Variants in SLC30A7 observed in about 807,000 individuals in gnomAD.
SLC30A7 encodes solute carrier family 30 member 7.
Under a neutral mutation model 46.0 loss-of-function variants are expected in SLC30A7, and 35 were observed. That is an observed-to-expected ratio of 0.76 (90% CI 0.58 to 1.01). SLC30A7 has a LOEUF of 1.01. SLC30A7 is among the 50% of genes least tolerant of loss of function. The probability of loss-of-function intolerance (pLI) is 0.00; values close to 1 mark genes in which losing one functional copy is unlikely to be tolerated. For missense variants in SLC30A7, 464 were observed against 451.1 expected, an observed-to-expected ratio of 1.03 and a Z score of -0.26; for synonymous variants, 147 against 157.8, an observed-to-expected ratio of 0.93 and a Z score of 0.51.
intron 4 of SLC30A7, 147 bp from the exon 5 acceptor site, chr1:100,911,965 T>G: frequency 3.0e-6 from 2 of 661,500 alleles, no homozygotes; most frequent in Non-Finnish European, 5.2e-6. Context: ...AGCTCTGGTT[T>G]TATTTCTATC....
chr1:100,917,564 A>T (rs549533652), intron 6 of SLC30A7, among the ~76,000 whole-genome samples: 1 of 152,204 alleles, frequency 6.6e-6, no homozygotes, highest in African/African-American at 2.4e-5. Flanking sequence ...ATGTTTAGAG[A>T]TAGAAATTAT....
At chr1:100,983,392 AAAACAAAACAAAAC>A (rs1657082240), downstream of SLC30A7, among the ~76,000 whole-genome samples, 2 of 104,078 alleles carry the variant, frequency 1.9e-5, no homozygotes, top group African/African-American at 3.6e-5. Flanking sequence ...AAAAAAAAAC[AAAACAAAACAAAAC>A]AAAAAAAACT....
intron 8 of SLC30A7, among the ~76,000 whole-genome samples, chr1:100,954,405 A>T (rs991996003): frequency 1.9e-4 from 29 of 152,088 alleles, no homozygotes; most frequent in Non-Finnish European, 1.5e-5. Context: ...GGATTAAATT[A>T]AAAAAAATTT....
rs1040785641 is a variant in SLC30A7, at chr1:100,896,106, C to A, written c.-157C>A. On this transcript the variant is annotated 5_prime_UTR_variant, in exon 1 of 11. Transcript: ENST00000357650. ...GCCCGGGCCGGAAGTAAGCGAATTCCCGGGTGTGTGTCTGTGTCTGTCTGT... is the reference window on the plus strand; with the variant it reads ...GCCCGGGCCGGAAGTAAGCGAATTCACGGGTGTGTGTCTGTGTCTGTCTGT... The A allele has an allele frequency of 4.5e-6, 3 of 661,740 alleles. No homozygotes were observed. The African/African-American group carries it at 5.4e-5, about 12-fold the overall frequency. The allele number at this position is 661,740 out of a possible 1,614,324, so 41.0% of individuals were successfully genotyped here.
At chr1:100,934,959 G>A (rs1557992679) in intron 8 of SLC30A7, among the ~76,000 whole-genome samples, 1 of 151,928 alleles carries the variant, frequency 6.6e-6, no homozygotes, top group Non-Finnish European at 1.5e-5. Context: ...TCACGCCACT[G>A]CCACTGCACT....
intron 8 of SLC30A7, among the ~76,000 whole-genome samples, chr1:100,935,247 G>GT (rs1473433644): frequency 6.6e-6 from 1 of 152,142 alleles, no homozygotes; most frequent in Admixed American, 6.5e-5. Context: ...TCATTTTTCA[G>GT]TTACACAAAT....
At chr1:100,937,632 A>G (rs1228538400) in intron 8 of SLC30A7, among the ~76,000 whole-genome samples, 1 of 152,164 alleles carries the variant, frequency 6.6e-6, no homozygotes, top group African/African-American at 2.4e-5. Context: ...GAAAATGTCT[A>G]TTCAAATACT....
chr1:100,974,967 C>A lies in SLC30A7; in HGVS notation c.*110C>A, dbSNP rs1213328808. On this transcript the variant is annotated 3_prime_UTR_variant, in exon 11 of 11. Transcript: ENST00000357650. ...AGAGAGAAATTATCACTACAACTCC[C>A]GAGCACTAAGTAGACGGGGTAGAGT... 2.4e-6 allele frequency: 2 copies of A among 835,586 alleles called. No individual in the cohort carries two copies. Among genetic ancestry groups the A allele is most frequent in the East Asian group, 2.7e-5 (1 of 36,894 alleles). The allele number at this position is 835,586 out of a possible 1,614,324, so 51.8% of individuals were successfully genotyped here.
At position 100,976,825 on chromosome 1, in the gene SLC30A7, A is replaced by G. The variant is rs370400031; in HGVS notation, c.*1968A>G. The G allele has an allele frequency of 1.3e-5, 2 of 152,620 alleles. No homozygotes were observed. Among genetic ancestry groups the G allele is most frequent in the Non-Finnish European group, 2.9e-5 (2 of 68,024 alleles). 9.5% of individuals were successfully genotyped at this position (152,620 alleles called of 1,614,324 possible). On this transcript the variant is annotated 3_prime_UTR_variant, in exon 11 of 11. Transcript: ENST00000357650. The stretch of plus-strand genomic sequence containing the variant: ...ACTGCTGCAGATTGCCGTGAACTCT[A>G]TCAATAGTCTCTTTTCCGCAGGCAA...
intron 8 of SLC30A7, among the ~76,000 whole-genome samples, chr1:100,922,571 T>TA (rs1265149907): frequency 2.0e-5 from 3 of 152,212 alleles, no homozygotes; most frequent in African/African-American, 7.2e-5. Context: ...AGAAGTCTTG[T>TA]AAAAATGCTA....
intron 10 of SLC30A7, among the ~76,000 whole-genome samples, chr1:100,966,386 A>G (rs1655875713): frequency 6.6e-6 from 1 of 151,086 alleles, no homozygotes; most frequent in Admixed American, 6.6e-5. Context: ...GATCAAGACC[A>G]TCCTGGCTAA....
chr1:100,938,370 A>G (rs1654109263), intron 8 of SLC30A7, among the ~76,000 whole-genome samples: 1 of 152,200 alleles, frequency 6.6e-6, no homozygotes, highest in Non-Finnish European at 1.5e-5. Flanking sequence ...AAACTACTAT[A>G]TAGAATTAAC....
intron 10 of SLC30A7, among the ~76,000 whole-genome samples, 200 bp from the exon 11 acceptor site, chr1:100,974,610 G>A (rs980455369): frequency 6.6e-6 from 1 of 151,584 alleles, no homozygotes; most frequent in Admixed American, 6.6e-5. Flanking sequence ...TGTTAACATG[G>A]CTCTTTTTTT....
intron 8 of SLC30A7, among the ~76,000 whole-genome samples, chr1:100,952,080 G>A (rs978220358): frequency 2.0e-5 from 3 of 152,166 alleles, no homozygotes; most frequent in Non-Finnish European, 4.4e-5. Flanking sequence ...TAGATGTCAC[G>A]AAAGTCAAGG....
rs143991795 is a variant in SLC30A7 at position 100,969,414 on chromosome 1, C to G, written c.1083+3496C>G. Among the ~76,000 whole-genome samples the G allele has an allele frequency of 8.2e-3, 1,256 of 152,248 alleles. 7 individuals carry two copies. The highest frequency in any genetic ancestry group is 0.051 in the Middle Eastern group (15 of 294). On this transcript the variant is annotated intron_variant, in intron 10 of 10. Transcript: ENST00000357650. ...AGCTTCTGTTGAATTCTAGGACACT[C>G]CATATTCTCCTAAGACTTTGGCATT...
At chr1:100,914,888 C>T (rs768666507) in intron 6 of SLC30A7, among the ~76,000 whole-genome samples, 41 of 151,728 alleles carry the variant, frequency 2.7e-4, no homozygotes, top group Non-Finnish European at 4.6e-4. Context: ...GCTGAGATCA[C>T]GCTACTGCAC....
chr1:100,990,299 G>T, the SLC30A7 span: 1 of 996,866 alleles, frequency 1.0e-6, no homozygotes, highest in Non-Finnish European at 1.5e-6. Context: ...ACAACACCTG[G>T]GAATTATGAG....
intron 8 of SLC30A7, among the ~76,000 whole-genome samples, chr1:100,949,057 G>T (rs1015496365): frequency 1.3e-5 from 2 of 152,142 alleles, no homozygotes; most frequent in Non-Finnish European, 2.9e-5. Flanking sequence ...GTCCAGCTTT[G>T]TTCTGTTGCT....
intron 8 of SLC30A7, among the ~76,000 whole-genome samples, chr1:100,935,290 GT>G (rs780838209): frequency 6.6e-6 from 1 of 152,122 alleles, no homozygotes. Context: ...CAAAACCTGG[GT>G]TCCTCACATA....
Sources: gnomAD v4.1 joint callset for allele counts (sites outside exome capture counted in the v4.1 genomes callset) on GRCh38, gnomAD v4.1.1 for gene constraint, MANE v1.5 for transcripts, NCBI Gene and HGNC (gene_info 2026-07-23, HGNC 2026-07-21) for gene names.